CCSER1: variants seen among roughly 807,000 people sequenced by gnomAD.
CCSER1 encodes the protein serine-rich coiled-coil domain-containing protein 1.
In CCSER1, 41 loss-of-function variants were observed where a neutral mutation model predicts 82.0. That is an observed-to-expected ratio of 0.50 (90% CI 0.39 to 0.65). CCSER1 has a LOEUF of 0.65. Ranked by LOEUF, CCSER1 falls within the 30% of genes least tolerant of loss-of-function variation. CCSER1 has a pLI of 0.00. For synonymous variants in CCSER1, 414 were observed against 383.9 expected (o/e 1.08, Z -0.92); for missense variants, 1,119 against 1,064.2 (o/e 1.05, Z -0.72).
intron 8 of CCSER1, among the ~76,000 whole-genome samples, chr4:90,885,910 A>AT (rs921929515): frequency 1.5e-4 from 23 of 151,586 alleles, no homozygotes; most frequent in South Asian, 6.3e-4. Flanking sequence ...CCTTTTGCTC[A>AT]TTTTTTTTCT....
chr4:90,205,568 G>A (rs966787235), intron 1 of CCSER1, among the ~76,000 whole-genome samples: 5 of 152,158 alleles, frequency 3.3e-5, no homozygotes, highest in Non-Finnish European at 7.4e-5. Flanking sequence ...TGGTGGATAA[G>A]CTTTTTGATG....
intron 7 of CCSER1, among the ~76,000 whole-genome samples, chr4:90,737,617 T>C (rs1745874424): frequency 6.6e-6 from 1 of 152,166 alleles, no homozygotes; most frequent in African/African-American, 2.4e-5. Context: ...ACCTGCTTGG[T>C]GTTCTATAAA....
intron 10 of CCSER1, among the ~76,000 whole-genome samples, chr4:91,513,312 C>T (rs1759925212): frequency 6.6e-6 from 1 of 152,074 alleles, no homozygotes; most frequent in South Asian, 2.1e-4. Flanking sequence ...AGGAATGAAG[C>T]CATGTTATCA....
chr4:90,657,673 G>T (rs1009820353), intron 6 of CCSER1, among the ~76,000 whole-genome samples: 2 of 152,082 alleles, frequency 1.3e-5, no homozygotes, highest in Non-Finnish European at 2.9e-5. Context: ...CATCTAATAA[G>T]ATTTAAATTT....
At chr4:91,417,210 G>T (rs1753419016) in intron 10 of CCSER1, among the ~76,000 whole-genome samples, 1 of 152,138 alleles carries the variant, frequency 6.6e-6, no homozygotes, top group South Asian at 2.1e-4. Flanking sequence ...AGAAACAACA[G>T]ATGCTGGCAC....
intron 4 of CCSER1, among the ~76,000 whole-genome samples, chr4:90,418,813 A>G (rs1756209900): frequency 6.6e-6 from 1 of 152,038 alleles, no homozygotes; most frequent in Admixed American, 6.6e-5. Flanking sequence ...GGAATTAACT[A>G]TGTTTATTTA....
intron 7 of CCSER1, among the ~76,000 whole-genome samples, chr4:90,811,985 T>TAAACACACACACACACACAC (rs1322585282): frequency 2.5e-4 from 33 of 133,058 alleles, no homozygotes; most frequent in Non-Finnish European, 4.2e-4. Context: ...TATATATATA[T>TAAACACACACACACACACAC]ATATAAACAC....
intron 10 of CCSER1, among the ~76,000 whole-genome samples, chr4:91,326,591 CCTT>C (rs1321095700): frequency 1.3e-5 from 2 of 152,100 alleles, no homozygotes; most frequent in African/African-American, 4.8e-5. Context: ...AATTCCATGT[CCTT>C]CTCTTATTTC....
At chr4:91,461,619 C>T (rs1026355253) in intron 10 of CCSER1, among the ~76,000 whole-genome samples, 12 of 152,208 alleles carry the variant, frequency 7.9e-5, no homozygotes, top group African/African-American at 2.6e-4. Flanking sequence ...GTATGGATTT[C>T]GGTGGAGCTC....
At chr4:90,889,472 A>G (rs1722649684) in intron 8 of CCSER1, among the ~76,000 whole-genome samples, 1 of 152,142 alleles carries the variant, frequency 6.6e-6, no homozygotes, top group African/African-American at 2.4e-5. Context: ...AATTTCTGTG[A>G]ATCTAGAACT....
intron 10 of CCSER1, among the ~76,000 whole-genome samples, chr4:91,270,198 A>G (rs1741912953): frequency 1.3e-5 from 2 of 152,114 alleles, no homozygotes; most frequent in South Asian, 4.1e-4. Context: ...TTTCCATTCC[A>G]TGTCTAACAC....
chr4:91,154,676 A>G (rs1234746007), intron 10 of CCSER1, among the ~76,000 whole-genome samples: 7 of 152,062 alleles, frequency 4.6e-5, no homozygotes, highest in Non-Finnish European at 1.5e-5. Context: ...TTTTTCCCAG[A>G]CATTCTTTTT....
chr4:90,380,432 G>C (rs1171701166), intron 3 of CCSER1, among the ~76,000 whole-genome samples: 1 of 152,098 alleles, frequency 6.6e-6, no homozygotes, highest in Non-Finnish European at 1.5e-5. Context: ...CAAAGCGTTT[G>C]ATATGATATC....
intron 5 of CCSER1, among the ~76,000 whole-genome samples, chr4:90,616,683 TCACACACACACACACACACACACA>T (rs56988615): frequency 1.8e-4 from 22 of 120,372 alleles, no homozygotes; most frequent in South Asian, 6.2e-4. Flanking sequence ...TGGCTCTGTC[TCACACACACACACACACACACACA>T]CACACACACA....
chr4:91,104,938 A>G (rs1185343381), intron 10 of CCSER1, among the ~76,000 whole-genome samples: 1 of 152,078 alleles, frequency 6.6e-6, no homozygotes. Flanking sequence ...TACAGGTGTA[A>G]TTTTGTTACA....
At chr4:91,390,461 G>T (rs1003384693) in intron 10 of CCSER1, among the ~76,000 whole-genome samples, 2 of 151,742 alleles carry the variant, frequency 1.3e-5, no homozygotes, top group African/African-American at 2.4e-5. Flanking sequence ...AAAGAGTTTT[G>T]TGTATGTGTT....
intron 3 of CCSER1, among the ~76,000 whole-genome samples, chr4:90,335,259 G>A (rs140813517): frequency 6.6e-6 from 1 of 152,210 alleles, no homozygotes; most frequent in East Asian, 1.9e-4. Flanking sequence ...TATCATATAG[G>A]CTTCTTCATT....
At chr4:91,422,354 A>T (rs1753726453) in intron 10 of CCSER1, among the ~76,000 whole-genome samples, 2 of 152,102 alleles carry the variant, frequency 1.3e-5, no homozygotes, top group Admixed American at 1.3e-4. Flanking sequence ...ACCACAGCAC[A>T]GGGATCTTCT....
chr4:90,434,315 C>T (rs1367660827), intron 4 of CCSER1, among the ~76,000 whole-genome samples: 1 of 151,996 alleles, frequency 6.6e-6, no homozygotes, highest in African/African-American at 2.4e-5. Flanking sequence ...TTACTAGTAG[C>T]CCCTCATATT....
Sources: allele counts gnomAD v4.1 joint callset (sites outside exome capture counted in the v4.1 genomes callset), GRCh38; gene constraint gnomAD v4.1.1; transcripts MANE v1.5; gene names NCBI Gene and HGNC (gene_info 2026-07-23, HGNC 2026-07-21).